Variants in RNH1 observed in about 807,000 individuals in gnomAD.
The protein encoded by RNH1 is ribonuclease/angiogenin inhibitor 1.
In RNH1, 38 loss-of-function variants were observed where a neutral mutation model predicts 46.1. That is an observed-to-expected ratio of 0.82 (90% CI 0.64 to 1.08). The LOEUF (loss-of-function observed/expected upper bound fraction) is 1.08. RNH1 is among the 50% of genes least tolerant of loss of function. The pLI is 0.00. For synonymous variants in RNH1, 319 were observed against 279.1 expected, an observed-to-expected ratio of 1.14 and a Z score of -1.43; for missense variants, 577 against 590.7, an observed-to-expected ratio of 0.98 and a Z score of 0.24.
chr11:505,851 G>GCAC (rs3216304), intron 1 of RNH1: 81,312 of 149,658 alleles, frequency 0.54, 23,355 homozygotes, highest in African/African-American at 0.73. Flanking sequence ...ATTACAGGCT[G>GCAC]CAGCGCACCC....
rs527268281 is a variant in RNH1 at position 494,907 on chromosome 11, G to C, written c.1274C>G (p.Pro425Arg). The part of the protein sequence containing the change: ...ILQLVESVRQ[P>R]GCLLEQLVLY... Reference sequence around the variant, plus strand: ...CACCAGCTGCTCCAGGAGGCAGCCCGGCTGCCGGACGCTCTCCACCAGCTG... The same window carrying C: ...CACCAGCTGCTCCAGGAGGCAGCCCCGCTGCCGGACGCTCTCCACCAGCTG... Residue 425 changes from proline (P) to arginine (R), a missense_variant, in exon 10 of 11, where the codon CCG (proline) becomes CGG (arginine). Transcript: ENST00000354420. 6.2e-7 allele frequency: 1 copy of C among 1,611,466 alleles called. No individual in the cohort carries two copies. Among genetic ancestry groups the C allele is most frequent in the South Asian group, 1.1e-5 (1 of 90,876 alleles).
In RNH1 at chr11:501,719, G is replaced by A. The variant is rs942660242; in HGVS notation, c.101+343C>T. On this transcript the variant is annotated intron_variant, in intron 3 of 10. Transcript: ENST00000354420. The surrounding 1 kb of genome is among the most constrained non-coding windows in gnomAD (Gnocchi z 4.1). ...CCCCAGCTTGGCAGGGACAAGCAGC[G>A]CCCCATGGAGGCTCACGGAGGGGAC... 4.7e-5 allele frequency: 13 copies of A among 275,918 alleles called. No individual in the cohort carries two copies. Among genetic ancestry groups the A allele is most frequent in the Admixed American group, 1.5e-4 (3 of 20,666 alleles). 17.1% of individuals were successfully genotyped at this position (275,918 alleles called of 1,614,324 possible). A position where few individuals can be genotyped will look rare whatever the true frequency, so the allele number is the denominator to read the frequency against.
intron 9 of RNH1, among the ~76,000 whole-genome samples, chr11:496,659 ACT>A (rs745627448): frequency 7.2e-5 from 11 of 152,030 alleles, no homozygotes; most frequent in South Asian, 2.1e-4. Flanking sequence ...ACAGAGCAAG[ACT>A]CTCTCAAAAA....
rs1253109800 is a variant in RNH1 at position 502,726 on chromosome 11, G to C, written c.-87-477C>G. On this transcript the variant is annotated intron_variant, in intron 2 of 10. Coordinates refer to ENST00000354420, the MANE Select transcript of RNH1 (RefSeq NM_203387.3). The surrounding 1 kb of genome is among the most constrained non-coding windows in gnomAD (Gnocchi z 5.8). The stretch of plus-strand genomic sequence containing the variant: ...CCAGGATCCTGGACCCGGCCACAGT[G>C]TCCGAAGCAAGACAGAGCAGGGGGG... 1 of 161,290 alleles carries C rather than the reference G, an allele frequency of 6.2e-6. No homozygotes were observed. The highest frequency in any genetic ancestry group is 2.4e-5 in the African/African-American group (1 of 41,692). The allele number at this position is 161,290 out of a possible 1,614,324, so 10.0% of individuals were successfully genotyped here.
intron 9 of RNH1, among the ~76,000 whole-genome samples, 157 bp downstream of exon 9, chr11:497,814 T>C (rs752138610): frequency 3.4e-4 from 51 of 149,338 alleles, no homozygotes; most frequent in Non-Finnish European, 6.7e-4. Flanking sequence ...CTCACACTCA[T>C]ATGCTCACAC....
Position 494,772 on chromosome 11 carries a change from G to A in RNH1, c.1305C>T (p.Tyr435=), listed in dbSNP as rs550625847. The A allele has an allele frequency of 2.1e-5, 34 of 1,613,828 alleles. No homozygotes were observed. The highest frequency in any genetic ancestry group is 6.7e-5 in the African/African-American group (5 of 74,930). Residue 435 remains tyrosine, a synonymous_variant, in exon 11 of 11, where the codon TAC becomes TAT. Transcript: ENST00000354420. ...CCATCTCCTCAGACCAGTAAATGTC[G>A]TACAGGCTGCACACAGGCCAGAAGG... ...PGCLLEQLVL[Y]DIYWSEEMED...
chr11:498,344 G>A (rs1478667320), intron 8 of RNH1, 113 bp downstream of exon 8: 11 of 1,421,380 alleles, frequency 7.7e-6, no homozygotes, highest in South Asian at 1.3e-5. Flanking sequence ...GCATTCTGAA[G>A]GTCGGAGCTG....
rs367568472 is a variant in RNH1 at position 500,060 on chromosome 11, GCCAGAGC to G, written c.273-68_273-62del. 1.5e-3 allele frequency: 2,146 copies of G among 1,465,504 alleles called. 20 individuals are homozygous for G. The African/African-American group carries it at 0.026, about 18-fold the overall frequency. The allele number at this position is 1,465,504 out of a possible 1,614,324, so 90.8% of individuals were successfully genotyped here. A position where few individuals can be genotyped will look rare whatever the true frequency, so the allele number is the denominator to read the frequency against. On this transcript the variant is annotated intron_variant, in intron 4 of 10. Coordinates refer to ENST00000354420, the MANE Select transcript of RNH1 (RefSeq NM_203387.3). ...AGCCAAGCTGCCACGCCCTTCGCCT[GCCAGAGC>G]CCAGAGCCCGGAGCAGCACTCTTCA...
At position 498,743 on chromosome 11, in the gene RNH1, G is replaced by A; in HGVS notation, c.785+20C>T. The A allele has an allele frequency of 1.2e-5, 19 of 1,591,378 alleles. No individual in the cohort carries two copies. Among genetic ancestry groups the A allele is most frequent in the Non-Finnish European group, 1.4e-5 (16 of 1,171,788 alleles). On this transcript the variant is annotated intron_variant, in intron 7 of 10. Transcript: ENST00000354420. ...CGCCGCCCGACCCTCCGGGAAGGAG[G>A]CCTCGCGGAGATGACTCACCACAGG...
intron 9 of RNH1, 81 bp from the exon 10 acceptor site, chr11:495,134 G>A: frequency 7.1e-7 from 1 of 1,406,370 alleles, no homozygotes; most frequent in South Asian, 1.2e-5. Context: ...GGGCCTGGGG[G>A]GCGCGACGGA....
rs1332507797 is a variant in RNH1 at position 501,815 on chromosome 11, T to C, written c.101+247A>G. 2 of 538,864 alleles carry C rather than the reference T, an allele frequency of 3.7e-6. No homozygotes were observed. The highest frequency in any genetic ancestry group is 3.8e-5 in the African/African-American group (2 of 52,776). 33.4% of individuals were successfully genotyped at this position (538,864 alleles called of 1,614,324 possible). ...TGAGACACCGGAGCCAGAGACCCAC[T>C]GGCCAGTGGCCGCCCACCTCGGCCC... On this transcript the variant is annotated intron_variant, in intron 3 of 10. Coordinates refer to ENST00000354420, the MANE Select transcript of RNH1 (RefSeq NM_203387.3). This position sits in a 1 kb window ranked among gnomAD's most constrained non-coding sequence, Gnocchi z 4.1.
intron 8 of RNH1, 103 bp downstream of exon 8, chr11:498,354 G>T: frequency 6.8e-7 from 1 of 1,474,856 alleles, no homozygotes; most frequent in Non-Finnish European, 9.2e-7. Flanking sequence ...GGTCGGAGCT[G>T]AGCCCAGCAG....
At position 502,218 on chromosome 11, in the gene RNH1, G is replaced by C. The variant is rs572844159; in HGVS notation, c.-56C>G. On this transcript the variant is annotated 5_prime_UTR_variant, in exon 3 of 11. Transcript: ENST00000354420. The surrounding 1 kb of genome is among the most constrained non-coding windows in gnomAD (Gnocchi z 5.8). The stretch of plus-strand genomic sequence containing the variant: ...GCAGAGGGAAGAGGACGTCTTGGCC[G>C]AATCCCCTCACAGTTTCACAGGCCG... 3 of 1,353,710 alleles carry C rather than the reference G, an allele frequency of 2.2e-6. No individual in the cohort carries two copies. The highest frequency in any genetic ancestry group is 3.1e-6 in the Non-Finnish European group (3 of 965,076). The allele number at this position is 1,353,710 out of a possible 1,614,324, so 83.9% of individuals were successfully genotyped here.
chr11:494,728 A>G lies in RNH1; in HGVS notation c.1349T>C (p.Leu450Pro). 6.2e-7 allele frequency: 1 copy of G among 1,613,862 alleles called. No individual in the cohort carries two copies. The highest frequency in any genetic ancestry group is 8.5e-7 in the Non-Finnish European group (1 of 1,179,962). Reference sequence around the variant, plus strand: ...CCTCAGGGATGGCTTGTCCTTCTCCAGGGCCTGCAGCCGGTCCTCCATCTC... The same window carrying G: ...CCTCAGGGATGGCTTGTCCTTCTCCGGGGCCTGCAGCCGGTCCTCCATCTC... Reference protein sequence around the residue: ...SEEMEDRLQALEKDKPSLRVI... With the variant: ...SEEMEDRLQAPEKDKPSLRVI... The change falls in exon 11 of 11, where the codon CTG becomes CCG. Residue 450 changes from leucine (L) to proline (P), a missense_variant. Physicochemically the swap from Leu to Pro is moderately conservative, Grantham distance 98 (BLOSUM62 -3). Coordinates refer to ENST00000354420, the MANE Select transcript of RNH1 (RefSeq NM_203387.3).
Position 498,356 on chromosome 11 carries a change from GC to G in RNH1, c.956+100del, listed in dbSNP as rs1365116084. On this transcript the variant is annotated intron_variant, in intron 8 of 10. Coordinates refer to ENST00000354420, the MANE Select transcript of RNH1 (RefSeq NM_203387.3). Reference sequence around the variant, plus strand: ...TATGCATTCTGAAGGTCGGAGCTGAGCCCAGCAGCTTCCCTGGAGTCGCTCA... The same window carrying G: ...TATGCATTCTGAAGGTCGGAGCTGAGCCAGCAGCTTCCCTGGAGTCGCTCA... The G allele has an allele frequency of 3.4e-6, 5 of 1,480,826 alleles. No homozygotes were observed. In the African/African-American group the frequency reaches 5.5e-5, roughly 16 times the overall value. 91.7% of individuals were successfully genotyped at this position (1,480,826 alleles called of 1,614,324 possible). A position where few individuals can be genotyped will look rare whatever the true frequency, so the allele number is the denominator to read the frequency against.
Position 499,062 on chromosome 11 carries a change from C to T in RNH1, c.567G>A (p.Val189=), listed in dbSNP as rs1689475590. ...GGGAGTCCTTCAGGCCCTGGCACAG[C>T]ACACGGACGCCAGCCTCATTGATGT... is the stretch of plus-strand genomic sequence containing the variant. ...NNDINEAGVR[V]LCQGLKDSPC... Residue 189 remains valine, a synonymous_variant, in exon 6 of 11, where the codon GTG becomes GTA. Transcript: ENST00000354420. The T allele has an allele frequency of 1.2e-6, 2 of 1,613,314 alleles. No homozygotes were observed. Among genetic ancestry groups the T allele is most frequent in the Admixed American group, 1.7e-5 (1 of 60,012 alleles).
Position 501,800 on chromosome 11 carries a change from G to T in RNH1, c.101+262C>A. The T allele has an allele frequency of 3.9e-6, 2 of 516,996 alleles. No homozygotes were observed. Among genetic ancestry groups the T allele is most frequent in the South Asian group, 4.7e-5 (2 of 42,438 alleles). 32.0% of individuals were successfully genotyped at this position (516,996 alleles called of 1,614,324 possible). A position where few individuals can be genotyped will look rare whatever the true frequency, so the allele number is the denominator to read the frequency against. On this transcript the variant is annotated intron_variant, in intron 3 of 10. Transcript: ENST00000354420. This position sits in a 1 kb window ranked among gnomAD's most constrained non-coding sequence, Gnocchi z 4.1. ...GGGAGGGAGAGGAGCTGAGACACCG[G>T]AGCCAGAGACCCACTGGCCAGTGGC...
At position 494,775 on chromosome 11, in the gene RNH1, C is replaced by T. The variant is rs1358438228; in HGVS notation, c.1302G>A (p.Leu434=). Reference sequence around the variant, plus strand: ...TCTCCTCAGACCAGTAAATGTCGTACAGGCTGCACACAGGCCAGAAGGGAG... The same window carrying T: ...TCTCCTCAGACCAGTAAATGTCGTATAGGCTGCACACAGGCCAGAAGGGAG... ...QPGCLLEQLV[L]YDIYWSEEME... The change falls in exon 11 of 11, where the codon CTG becomes CTA. Residue 434 remains leucine, a synonymous_variant. Transcript: ENST00000354420. 3.7e-6 allele frequency: 6 copies of T among 1,613,880 alleles called. No homozygotes were observed. Among genetic ancestry groups the T allele is most frequent in the Non-Finnish European group, 5.1e-6 (6 of 1,180,012 alleles).
rs575664461 is a variant in RNH1 at position 496,472 on chromosome 11, A to G, written c.1128-1419T>C. Reference sequence around the variant, plus strand: ...ATCACGAGGTCAGGATATCAAGACCATACTGGCTAACACGGTGAAACCCCA... The same window carrying G: ...ATCACGAGGTCAGGATATCAAGACCGTACTGGCTAACACGGTGAAACCCCA... On this transcript the variant is annotated intron_variant, in intron 9 of 10. Coordinates refer to ENST00000354420, the MANE Select transcript of RNH1 (RefSeq NM_203387.3). 5.9e-5 allele frequency among the ~76,000 whole-genome samples: 9 copies of G among 152,340 alleles called. No homozygotes were observed. In the East Asian group the frequency reaches 1.7e-3, roughly 29 times the overall value.
Sources: allele counts gnomAD v4.1 joint callset (sites outside exome capture counted in the v4.1 genomes callset), GRCh38; gene constraint gnomAD v4.1.1; non-coding constraint Gnocchi (gnomAD v3.1); transcripts MANE v1.5; gene names NCBI Gene and HGNC (gene_info 2026-07-23, HGNC 2026-07-21).